Variants in HAX1 observed in about 807,000 individuals in gnomAD.
HAX1 encodes HCLS1 associated protein X-1, also known as HCLS1-associated protein X-1.
A neutral mutation model predicts 31.1 loss-of-function variants in HAX1; 27 were observed. The observed-to-expected ratio is 0.87, with a 90% CI of 0.64 to 1.20. HAX1 has a LOEUF of 1.20. Ranked by LOEUF, HAX1 falls within the 50% of genes most tolerant of loss-of-function variation. HAX1 has a pLI of 0.00. For missense variants in HAX1, 357 were observed against 361.6 expected, an observed-to-expected ratio of 0.99 and a Z score of 0.10; for synonymous variants, 114 against 124.1, an observed-to-expected ratio of 0.92 and a Z score of 0.54.
At position 154,273,316 on chromosome 1, in the gene HAX1, C is replaced by G. The variant is rs947798328; in HGVS notation, c.54-20C>G. ...TAAATAGTGCTGAAATATTGGTGGC[C>G]AATCTGCCTCCACTCTCAGCCACAG... On this transcript the variant is annotated intron_variant, in intron 1 of 6. Transcript: ENST00000328703. 6.2e-7 allele frequency: 1 copy of G among 1,613,692 alleles called. No homozygotes were observed. The highest frequency in any genetic ancestry group is 8.5e-7 in the Non-Finnish European group (1 of 1,179,956).
At chr1:154,273,175 C>T in intron 1 of HAX1, 161 bp from the exon 2 acceptor site, 2 of 603,094 alleles carry the variant, frequency 3.3e-6, no homozygotes, top group Non-Finnish European at 2.9e-6. Context: ...AAAAAAAGAA[C>T]TGTCAGCCAT....
At chr1:154,274,269 AC>A (rs912943184) in intron 3 of HAX1, among the ~76,000 whole-genome samples, 1 of 151,946 alleles carries the variant, frequency 6.6e-6, no homozygotes, top group Non-Finnish European at 1.5e-5. Flanking sequence ...ATTGTTTGAG[AC>A]CCAGCCTTGC....
chr1:154,274,848 C>T lies in HAX1; in HGVS notation c.505-102C>T, dbSNP rs1572019378. 2.5e-5 allele frequency: 20 copies of T among 792,772 alleles called. No individual in the cohort carries two copies. In the East Asian group the frequency reaches 4.5e-4, roughly 18 times the overall value. 49.1% of individuals were successfully genotyped at this position (792,772 alleles called of 1,614,324 possible). A position where few individuals can be genotyped will look rare whatever the true frequency, so the allele number is the denominator to read the frequency against. ...GCTATTCTGAATGGAATTATCTCTT[C>T]TGTGGAAGGGGGTTTTGGAGCTCGG... On this transcript the variant is annotated intron_variant, in intron 3 of 6. Coordinates refer to ENST00000328703, the MANE Select transcript of HAX1 (RefSeq NM_006118.4).
chr1:154,275,020 G>T lies in HAX1; in HGVS notation c.556+19G>T, dbSNP rs375069081. 2 of 1,596,326 alleles carry T rather than the reference G, an allele frequency of 1.3e-6. No homozygotes were observed. Among genetic ancestry groups the T allele is most frequent in the African/African-American group, 2.7e-5 (2 of 74,576 alleles). ...GACAATGGTAAGTCTGGAGGAAGGG[G>T]AAGTTTACCAGCCTTTTGTTATTCT... On this transcript the variant is annotated intron_variant, in intron 4 of 6. Coordinates refer to ENST00000328703, the MANE Select transcript of HAX1 (RefSeq NM_006118.4).
chr1:154,275,146 T>C lies in HAX1; in HGVS notation c.557-8T>C, dbSNP rs1684904629. On this transcript the variant is annotated splice_polypyrimidine_tract_variant and splice_region_variant and intron_variant, in intron 4 of 6. Coordinates refer to ENST00000328703, the MANE Select transcript of HAX1 (RefSeq NM_006118.4). Reference sequence around the variant, plus strand: ...CTCTCCTGCTTCTTCATCTCTCTGCTCTTCCAGATCTTGATTCCCAGGTTT... The same window carrying C: ...CTCTCCTGCTTCTTCATCTCTCTGCCCTTCCAGATCTTGATTCCCAGGTTT... 6.3e-7 allele frequency: 1 copy of C among 1,579,852 alleles called. No individual in the cohort carries two copies. The highest frequency in any genetic ancestry group is 1.1e-5 in the South Asian group (1 of 90,410).
intron 1 of HAX1, chr1:154,273,114 T>C: frequency 1.7e-6 from 1 of 596,450 alleles, no homozygotes; most frequent in Non-Finnish European, 2.9e-6. Context: ...GGGGAAGGTG[T>C]ATGAAGGGAG....
intron 1 of HAX1, chr1:154,273,034 T>C: frequency 1.7e-6 from 1 of 605,254 alleles, no homozygotes; most frequent in Non-Finnish European, 2.9e-6. Flanking sequence ...GTCTGGGGAA[T>C]AAGACAGTGA....
intron 3 of HAX1, among the ~76,000 whole-genome samples, 182 bp downstream of exon 3, chr1:154,274,143 A>T (rs1684885942): frequency 6.6e-6 from 1 of 152,092 alleles, no homozygotes; most frequent in African/African-American, 2.4e-5. Context: ...CCCCGTGTCT[A>T]CTAAAAATAC....
intron 5 of HAX1, 65 bp downstream of exon 5, chr1:154,275,325 T>C (rs1684909753): frequency 3.2e-6 from 5 of 1,561,712 alleles, no homozygotes; most frequent in Admixed American, 1.7e-5. Context: ...AACAGGGATC[T>C]GTGTAAAGAA....
At chr1:154,272,895 G>A (rs1684824297) in intron 1 of HAX1, 119 bp downstream of exon 1, 1 of 892,952 alleles carries the variant, frequency 1.1e-6, no homozygotes, top group East Asian at 2.6e-5. Flanking sequence ...AGAGAGGACA[G>A]AAGTCGCAAC....
Position 154,273,018 on chromosome 1 carries a change from G to A in HAX1, c.53+242G>A, listed in dbSNP as rs937918856. On this transcript the variant is annotated intron_variant, in intron 1 of 6. Coordinates refer to ENST00000328703, the MANE Select transcript of HAX1 (RefSeq NM_006118.4). ...AACAGGGACCCGGGCGGGGAAGACC[G>A]TGAGGGTCTGGGGAATAAGACAGTG... The A allele has an allele frequency of 3.3e-6, 2 of 612,808 alleles. 1 individual carries two copies. Among genetic ancestry groups the A allele is most frequent in the South Asian group, 3.9e-5 (2 of 51,802 alleles). 38.0% of individuals were successfully genotyped at this position (612,808 alleles called of 1,614,324 possible). A position where few individuals can be genotyped will look rare whatever the true frequency, so the allele number is the denominator to read the frequency against.
At position 154,275,725 on chromosome 1, in the gene HAX1, CAA is replaced by C. The variant is rs1160569809; in HGVS notation, c.*25_*26del. On this transcript the variant is annotated 3_prime_UTR_variant, in exon 7 of 7. Coordinates refer to ENST00000328703, the MANE Select transcript of HAX1 (RefSeq NM_006118.4). ...AGCCTTGTTAACCCTCAGAGGCCTTCAAGTCCTTTCCACCTCTCACCCATTGC... is the reference window on the plus strand; with the variant it reads ...AGCCTTGTTAACCCTCAGAGGCCTTCGTCCTTTCCACCTCTCACCCATTGC... 4.7e-6 allele frequency: 7 copies of C among 1,500,574 alleles called. No individual in the cohort carries two copies. The Admixed American group carries it at 1.2e-4, about 25-fold the overall frequency. 93.0% of individuals were successfully genotyped at this position (1,500,574 alleles called of 1,614,324 possible). A position where few individuals can be genotyped will look rare whatever the true frequency, so the allele number is the denominator to read the frequency against.
chr1:154,273,888 TC>T lies in HAX1; in HGVS notation c.432del (p.Leu145TrpfsTer69). 6.2e-7 allele frequency: 1 copy of T among 1,613,684 alleles called. No individual in the cohort carries two copies. ...DSHQPRIFGGVLESDARSESP... is the reference protein window; with the variant it reads ...DSHQPRIFGGXLESDARSESP... Reference sequence around the variant, plus strand: ...CACCAGCCCAGGATCTTTGGGGGGGTCTTGGAGAGTGATGCAAGAAGTGAAT... The same window carrying T: ...CACCAGCCCAGGATCTTTGGGGGGGTTTGGAGAGTGATGCAAGAAGTGAAT... On this transcript the variant is annotated frameshift_variant, in exon 3 of 7. Transcript: ENST00000328703. LOFTEE classifies it high-confidence loss of function.
intron 6 of HAX1, 21 bp from the exon 7 acceptor site, chr1:154,275,595 G>C: frequency 6.3e-7 from 1 of 1,599,054 alleles, no homozygotes; most frequent in Non-Finnish European, 8.6e-7. Context: ...GCCTATTTAC[G>C]TGTATGACTT....
Position 154,272,689 on chromosome 1 carries a change from T to G in HAX1, c.-35T>G, listed in dbSNP as rs1383974096. 4.3e-6 allele frequency: 7 copies of G among 1,610,870 alleles called. No individual in the cohort carries two copies. The highest frequency in any genetic ancestry group is 5.1e-6 in the Non-Finnish European group (6 of 1,177,404). ...TTTCCCCCGTCTGCGAATGGACCACTGGAGGGGTTCAAAGGTTCGCGTCCC... is the reference window on the plus strand; with the variant it reads ...TTTCCCCCGTCTGCGAATGGACCACGGGAGGGGTTCAAAGGTTCGCGTCCC... On this transcript the variant is annotated 5_prime_UTR_variant, in exon 1 of 7. Coordinates refer to ENST00000328703, the MANE Select transcript of HAX1 (RefSeq NM_006118.4).
intron 1 of HAX1, 115 bp from the exon 2 acceptor site, chr1:154,273,221 A>AC: frequency 8.4e-7 from 1 of 1,191,444 alleles, no homozygotes; most frequent in East Asian, 2.3e-5. Flanking sequence ...CAGTCCTCCG[A>AC]CCCTCTCCCT....
Position 154,275,229 on chromosome 1 carries a change from T to C in HAX1, c.632T>C (p.Ile211Thr). ...QPQPKSYFKS[I>T]SVTKITKPDG... is the part of the protein sequence containing the mutation. ...CAGCCCAAATCCTATTTCAAGAGCA[T>C]CTCTGTGACCAAGATCACTAAACCA... Residue 211 changes from isoleucine (I) to threonine (T), a missense_variant, in exon 5 of 7, where the codon ATC (isoleucine) becomes ACC (threonine). Transcript: ENST00000328703. 1.2e-6 allele frequency: 2 copies of C among 1,613,442 alleles called. No homozygotes were observed. Among genetic ancestry groups the C allele is most frequent in the Non-Finnish European group, 8.5e-7 (1 of 1,179,382 alleles).
At chr1:154,273,667 A>C in intron 2 of HAX1, 69 bp downstream of exon 2, 1 of 1,593,806 alleles carries the variant, frequency 6.3e-7, no homozygotes, top group Non-Finnish European at 8.6e-7. Context: ...AAGAGCCTGC[A>C]GGGAGTAGCT....
intron 4 of HAX1, 31 bp from the exon 5 acceptor site, chr1:154,275,123 C>T (rs1402071404): frequency 6.6e-7 from 1 of 1,517,754 alleles, no homozygotes; most frequent in Non-Finnish European, 9.2e-7. Context: ...GACTCTTTCT[C>T]TCCTGCTTCT....
Sources: gnomAD v4.1 joint callset for allele counts (sites outside exome capture counted in the v4.1 genomes callset) on GRCh38, gnomAD v4.1.1 for gene constraint, MANE v1.5 for transcripts, NCBI Gene and HGNC (gene_info 2026-07-23, HGNC 2026-07-21) for gene names.